Variants in FOXM1 observed in about 807,000 individuals in gnomAD.
FOXM1 encodes forkhead box M1, also known as forkhead box protein M1.
A neutral mutation model predicts 63.6 loss-of-function variants in FOXM1; 25 were observed. The ratio of observed to expected loss-of-function variants is 0.39; its 90% CI spans 0.29 to 0.55. The LOEUF is 0.55. Ranked by LOEUF, FOXM1 falls within the 20% of genes least tolerant of loss-of-function variation. The probability of loss-of-function intolerance (pLI) is 0.60; values close to 1 mark genes in which losing one functional copy is unlikely to be tolerated. For synonymous variants in FOXM1, 387 were observed against 376.9 expected, an observed-to-expected ratio of 1.03 and a Z score of -0.31; for missense variants, 879 against 958.7, an observed-to-expected ratio of 0.92 and a Z score of 1.10.
chr12:2,875,638 A>T (rs1603502287), intron 1 of FOXM1, among the ~76,000 whole-genome samples: 1 of 152,168 alleles, frequency 6.6e-6, no homozygotes, highest in African/African-American at 2.4e-5. Flanking sequence ...TTTCTTTTCC[A>T]GAAATAAGAC....
intron 1 of FOXM1, among the ~76,000 whole-genome samples, chr12:2,875,761 AT>A (rs568267379): frequency 1.1e-3 from 148 of 133,358 alleles, no homozygotes; most frequent in East Asian, 1.7e-3. Context: ...ATTTTTTTTA[AT>A]TTTTTTTTTT....
Position 2,857,942 on chromosome 12 carries a change from A to C in FOXM1, c.*696T>G, listed in dbSNP as rs1392925519. ...CCCACACTCTGCTTCAGTTGCATCC[A>C]TCCTCCCACCCCAAATTCAACTCCT... On this transcript the variant is annotated 3_prime_UTR_variant, in exon 9 of 9. Coordinates refer to ENST00000359843, the MANE Select transcript of FOXM1 (RefSeq NM_021953.4). 1 of 152,502 alleles carries C rather than the reference A, an allele frequency of 6.6e-6. No individual in the cohort carries two copies. The highest frequency in any genetic ancestry group is 1.5e-5 in the Non-Finnish European group (1 of 68,108). 9.4% of individuals were successfully genotyped at this position (152,502 alleles called of 1,614,324 possible).
At chr12:2,865,428 AAATGAGATG>A in intron 5 of FOXM1, 29 bp from the exon 6 acceptor site, 1 of 1,598,476 alleles carries the variant, frequency 6.3e-7, no homozygotes, top group South Asian at 1.1e-5. Context: ...TGTGGGAGAG[AAATGAGATG>A]AAGTTACCAC....
chr12:2,872,324 A>G lies in FOXM1; in HGVS notation c.503-77T>C. ...GGTGTGTCCATCAGAATTGGTGGCT[A>G]GCAGGCCGGGTGCAGTGGCTCACAC... On this transcript the variant is annotated intron_variant, in intron 2 of 8. Coordinates refer to ENST00000359843, the MANE Select transcript of FOXM1 (RefSeq NM_021953.4). The surrounding 1 kb of genome is among the most constrained non-coding windows in gnomAD (Gnocchi z 4.0). 1.3e-6 allele frequency: 2 copies of G among 1,530,248 alleles called. No individual in the cohort carries two copies. Among genetic ancestry groups the G allele is most frequent in the Non-Finnish European group, 1.8e-6 (2 of 1,112,858 alleles). 94.8% of individuals were successfully genotyped at this position (1,530,248 alleles called of 1,614,324 possible).
rs2098115079 is a variant in FOXM1, at chr12:2,862,203, CAT to C, written c.1266+2115_1266+2116del. On this transcript the variant is annotated intron_variant, in intron 8 of 8. Coordinates refer to ENST00000359843, the MANE Select transcript of FOXM1 (RefSeq NM_021953.4). Reference sequence around the variant, plus strand: ...CAGGAAAAAAAAAAAAAAAAAGAGACATGTAGAGAAGTATGCACAACATGATT... The same window carrying C: ...CAGGAAAAAAAAAAAAAAAAAGAGACGTAGAGAAGTATGCACAACATGATT... Among the ~76,000 whole-genome samples, 3 of 146,668 alleles carry C rather than the reference CAT, an allele frequency of 2.0e-5. No homozygotes were observed. In the South Asian group the frequency reaches 6.3e-4, roughly 31 times the overall value.
chr12:2,865,084 T>C, intron 6 of FOXM1: 1 of 587,114 alleles, frequency 1.7e-6, no homozygotes, highest in South Asian at 2.1e-5. Context: ...CTGCCGCCCC[T>C]GAGGCTGGTG....
chr12:2,860,667 GT>G (rs2098109932), intron 8 of FOXM1, among the ~76,000 whole-genome samples: 1 of 151,920 alleles, frequency 6.6e-6, no homozygotes, highest in Non-Finnish European at 1.5e-5. Context: ...GAGGTCAGAA[GT>G]TCGAGACCAG....
At chr12:2,876,704 G>C (rs1415245715) in intron 1 of FOXM1, among the ~76,000 whole-genome samples, 1 of 152,180 alleles carries the variant, frequency 6.6e-6, no homozygotes, top group East Asian at 1.9e-4. Flanking sequence ...AGACTTCCAG[G>C]GAAGGCCAAG....
Position 2,864,952 on chromosome 12 carries a change from A to T in FOXM1, c.1021-200T>A. 1.6e-6 allele frequency: 1 copy of T among 628,234 alleles called. No homozygotes were observed. The highest frequency in any genetic ancestry group is 2.9e-6 in the Non-Finnish European group (1 of 349,214). 38.9% of individuals were successfully genotyped at this position (628,234 alleles called of 1,614,324 possible). ...GAGTGGGCAGGTGGGTGGCCTACAG[A>T]CACATGATGGCAGAGTGGCACTACC... On this transcript the variant is annotated intron_variant, in intron 6 of 8. Coordinates refer to ENST00000359843, the MANE Select transcript of FOXM1 (RefSeq NM_021953.4). This position sits in a 1 kb window ranked among gnomAD's most constrained non-coding sequence, Gnocchi z 5.1.
At position 2,859,059 on chromosome 12, in the gene FOXM1, C is replaced by T. The variant is rs1421879335; in HGVS notation, c.1871G>A (p.Trp624Ter). 2 of 1,607,970 alleles carry T rather than the reference C, an allele frequency of 1.2e-6. No individual in the cohort carries two copies. Among genetic ancestry groups the T allele is most frequent in the South Asian group, 1.1e-5 (1 of 90,770 alleles). The part of the protein sequence containing the change: ...KSVLPRTPES[W>*]RLTPPAKVGG... Reference sequence around the variant, plus strand: ...TACTTTGGCTGGGGGCGTGAGCCTCCAGGATTCAGGGGTTCTGGGGAGGAC... The same window carrying T: ...TACTTTGGCTGGGGGCGTGAGCCTCTAGGATTCAGGGGTTCTGGGGAGGAC... Residue 624 changes from tryptophan to a stop codon, truncating the protein, a stop_gained, in exon 9 of 9, where the codon TGG becomes TAG. Coordinates refer to ENST00000359843, the MANE Select transcript of FOXM1 (RefSeq NM_021953.4). LOFTEE classifies it high-confidence loss of function.
In FOXM1 at chr12:2,858,959, C is replaced by A. The variant is rs1481376270; in HGVS notation, c.1971G>T (p.Met657Ile). Residue 657 changes from methionine (M) to isoleucine (I), a missense_variant, in exon 9 of 9, where the codon ATG becomes ATT. Physicochemically the swap from Met to Ile is conservative, Grantham distance 10. Transcript: ENST00000359843. ...TTTGCAAGGGAGTGGTGCTGAGATC[C>A]ATCAGCCCCAGGGGGTCAGGCAAGG... ...SDPLPDPLGL[M>I]DLSTTPLQSA... 1 of 1,613,414 alleles carries A rather than the reference C, an allele frequency of 6.2e-7. No individual in the cohort carries two copies. The highest frequency in any genetic ancestry group is 1.3e-5 in the African/African-American group (1 of 74,872).
At chr12:2,866,041 T>G (rs1410403364) in intron 5 of FOXM1, among the ~76,000 whole-genome samples, 1 of 152,074 alleles carries the variant, frequency 6.6e-6, no homozygotes, top group Non-Finnish European at 1.5e-5. Context: ...CCTGGGCCCA[T>G]CCCAGAAGCA....
intron 3 of FOXM1, among the ~76,000 whole-genome samples, chr12:2,870,742 C>T (rs1326920831): frequency 4.6e-5 from 7 of 151,282 alleles, no homozygotes; most frequent in Admixed American, 6.6e-5. Context: ...AGGTGGATCA[C>T]GAGGTCAGGA....
In FOXM1 at chr12:2,864,850, T is replaced by C; in HGVS notation, c.1021-98A>G. On this transcript the variant is annotated intron_variant, in intron 6 of 8. Transcript: ENST00000359843. The surrounding 1 kb of genome is among the most constrained non-coding windows in gnomAD (Gnocchi z 5.1). ...CACCAGCTGCTCTGGTGGTGTGTGC[T>C]TGAGTTAATGACAGCCCAGAGAGAG... The C allele has an allele frequency of 7.4e-7, 1 of 1,356,300 alleles. No homozygotes were observed. Among genetic ancestry groups the C allele is most frequent in the Non-Finnish European group, 1.1e-6 (1 of 948,418 alleles). 84.0% of individuals were successfully genotyped at this position (1,356,300 alleles called of 1,614,324 possible).
In FOXM1 at chr12:2,858,339, A is replaced by AC. The variant is rs2098095649; in HGVS notation, c.*298dup. 5.3e-6 allele frequency: 2 copies of AC among 373,894 alleles called. No homozygotes were observed. The highest frequency in any genetic ancestry group is 9.7e-6 in the Non-Finnish European group (2 of 206,768). The allele number at this position is 373,894 out of a possible 1,614,324, so 23.2% of individuals were successfully genotyped here. Reference sequence around the variant, plus strand: ...CTGCAAAGATCAGGGAAGGTAAGAGACTGCTGGGCAGAGAATGGAAACAGG... The same window carrying AC: ...CTGCAAAGATCAGGGAAGGTAAGAGACCTGCTGGGCAGAGAATGGAAACAGG... On this transcript the variant is annotated 3_prime_UTR_variant, in exon 9 of 9. Transcript: ENST00000359843.
Position 2,864,116 on chromosome 12 carries a change from G to A in FOXM1, c.1266+204C>T. 1.8e-6 allele frequency: 1 copy of A among 548,878 alleles called. No homozygotes were observed. The highest frequency in any genetic ancestry group is 3.1e-5 in the Admixed American group (1 of 32,734). The allele number at this position is 548,878 out of a possible 1,614,324, so 34.0% of individuals were successfully genotyped here. A position where few individuals can be genotyped will look rare whatever the true frequency, so the allele number is the denominator to read the frequency against. ...TCTTACAAGCTCATCAGGTATTTAT[G>A]GGCCTTCTGACACCACTTACATTGT... is the stretch of plus-strand genomic sequence containing the variant. On this transcript the variant is annotated intron_variant, in intron 8 of 8. Coordinates refer to ENST00000359843, the MANE Select transcript of FOXM1 (RefSeq NM_021953.4). This position sits in a 1 kb window ranked among gnomAD's most constrained non-coding sequence, Gnocchi z 5.1.
At chr12:2,860,197 G>C (rs1565463268) in intron 8 of FOXM1, among the ~76,000 whole-genome samples, 1 of 152,152 alleles carries the variant, frequency 6.6e-6, no homozygotes, top group African/African-American at 2.4e-5. Context: ...AAATTTTACT[G>C]TGGCAAGAGA....
chr12:2,865,716 G>A (rs372531603), intron 5 of FOXM1, among the ~76,000 whole-genome samples: 3 of 135,342 alleles, frequency 2.2e-5, no homozygotes, highest in Non-Finnish European at 4.6e-5. Context: ...GCAATGGTGC[G>A]ATTTCAGCTC....
Position 2,858,572 on chromosome 12 carries a change from G to T in FOXM1, c.*66C>A. The T allele has an allele frequency of 7.2e-7, 1 of 1,390,824 alleles. No individual in the cohort carries two copies. Among genetic ancestry groups the T allele is most frequent in the Non-Finnish European group, 9.9e-7 (1 of 1,005,998 alleles). The allele number at this position is 1,390,824 out of a possible 1,614,324, so 86.2% of individuals were successfully genotyped here. ...CCTGCTGTCCTCACTCAGAGGCTTG[G>T]GGTGCACTGAGCCTTGGAGTGCCCG... On this transcript the variant is annotated 3_prime_UTR_variant, in exon 9 of 9. Transcript: ENST00000359843.
Sources: allele counts gnomAD v4.1 joint callset (sites outside exome capture counted in the v4.1 genomes callset), GRCh38; gene constraint gnomAD v4.1.1; non-coding constraint Gnocchi (gnomAD v3.1); transcripts MANE v1.5; gene names NCBI Gene and HGNC (gene_info 2026-07-23, HGNC 2026-07-21).